The following GHR variants were observed in gnomAD, a reference collection of about 807,000 sequenced individuals.
GHR encodes the protein growth hormone receptor.
A neutral mutation model predicts 67.1 loss-of-function variants in GHR; 35 were observed. The observed-to-expected ratio is 0.52, with a 90% CI of 0.40 to 0.69. The LOEUF is 0.69. GHR is among the 30% of genes least tolerant of loss of function. GHR has a pLI of 0.00. For synonymous variants in GHR, 272 were observed against 269.1 expected, an observed-to-expected ratio of 1.01 and a Z score of -0.10; for missense variants, 792 against 764.6, an observed-to-expected ratio of 1.04 and a Z score of -0.42.
intron 2 of GHR, among the ~76,000 whole-genome samples, chr5:42,628,223 C>G (rs4357043): frequency 0.34 from 52,005 of 151,654 alleles, 10,314 homozygotes; most frequent in African/African-American, 0.55. Flanking sequence ...TATGAGTGCA[C>G]GATAGGGGGT....
chr5:42,484,731 G>A (rs1329006789), intron 1 of GHR, among the ~76,000 whole-genome samples: 4 of 152,190 alleles, frequency 2.6e-5, no homozygotes, highest in Non-Finnish European at 5.9e-5. Context: ...TTTACTTTGA[G>A]AATAAAAAGC....
chr5:42,719,089 T>C lies in GHR; in HGVS notation c.1582T>C (p.Phe528Leu). 1 of 1,613,488 alleles carries C rather than the reference T, an allele frequency of 6.2e-7. No individual in the cohort carries two copies. Among genetic ancestry groups the C allele is most frequent in the Non-Finnish European group, 8.5e-7 (1 of 1,179,436 alleles). The change falls in exon 10 of 10, where the codon TTC becomes CTC. Residue 528 changes from phenylalanine to leucine, a missense_variant. Coordinates refer to ENST00000230882, the MANE Select transcript of GHR (RefSeq NM_000163.5). Reference protein sequence around the residue: ...PEMVSLCQENFLMDNAYFCEA... With the variant: ...PEMVSLCQENLLMDNAYFCEA... ...AATGGTCTCACTCTGCCAAGAAAAC[T>C]TCCTTATGGACAATGCCTACTTCTG...
Position 42,718,982 on chromosome 5 carries a change from A to C in GHR, c.1475A>C (p.Asp492Ala). The C allele has an allele frequency of 6.2e-7, 1 of 1,611,594 alleles. No homozygotes were observed. The highest frequency in any genetic ancestry group is 1.7e-5 in the Admixed American group (1 of 59,912). The change falls in exon 10 of 10, where the codon GAC becomes GCC. Residue 492 changes from aspartate to alanine, a missense_variant. Physicochemically the swap from Asp to Ala is moderately radical, Grantham distance 126. Transcript: ENST00000230882. ...ATCGACTTTTATGCCCAGGTGAGCG[A>C]CATTACACCAGCAGGTAGTGTGGTC... Reference protein sequence around the residue: ...SNIDFYAQVSDITPAGSVVLS... With the variant: ...SNIDFYAQVSAITPAGSVVLS...
At chr5:42,689,234 A>G (rs1425425641) in intron 4 of GHR, among the ~76,000 whole-genome samples, 1 of 152,236 alleles carries the variant, frequency 6.6e-6, no homozygotes, top group African/African-American at 2.4e-5. Flanking sequence ...ATTACAAAAG[A>G]CAAAATCCCT....
intron 1 of GHR, among the ~76,000 whole-genome samples, chr5:42,503,328 C>A (rs990128225): frequency 6.6e-6 from 1 of 152,052 alleles, no homozygotes; most frequent in African/African-American, 2.4e-5. Flanking sequence ...AATAAGCACA[C>A]AATTCACTTA....
rs1437623602 is a variant in GHR at position 42,720,955 on chromosome 5, G to T, written c.*1531G>T. On this transcript the variant is annotated 3_prime_UTR_variant, in exon 10 of 10. Transcript: ENST00000230882. Reference sequence around the variant, plus strand: ...GTTGTTGTTGTTGAGACAGAGTCTCGCTCTGTCGCCAGGCTAGAGTGCGGT... The same window carrying T: ...GTTGTTGTTGTTGAGACAGAGTCTCTCTCTGTCGCCAGGCTAGAGTGCGGT... 1.3e-5 allele frequency: 2 copies of T among 152,072 alleles called. No homozygotes were observed. Among genetic ancestry groups the T allele is most frequent in the Non-Finnish European group, 2.9e-5 (2 of 68,128 alleles). The allele number at this position is 152,072 out of a possible 1,614,324, so 9.4% of individuals were successfully genotyped here.
chr5:42,456,775 T>A (rs1005627416), intron 1 of GHR, among the ~76,000 whole-genome samples: 1 of 152,214 alleles, frequency 6.6e-6, no homozygotes, highest in Admixed American at 6.5e-5. Flanking sequence ...CCTTTATCTG[T>A]AAGCTAGTTG....
At chr5:42,469,566 C>CA (rs1212383423) in intron 1 of GHR, among the ~76,000 whole-genome samples, 1 of 152,138 alleles carries the variant, frequency 6.6e-6, no homozygotes, top group Non-Finnish European at 1.5e-5. Flanking sequence ...CCTCACAAGA[C>CA]CTCTTCCTCT....
At chr5:42,661,410 C>A (rs1220249998) in intron 3 of GHR, among the ~76,000 whole-genome samples, 1 of 152,154 alleles carries the variant, frequency 6.6e-6, no homozygotes, top group African/African-American at 2.4e-5. Flanking sequence ...AATCTCTTGG[C>A]AGAAACTCTA....
intron 3 of GHR, among the ~76,000 whole-genome samples, chr5:42,655,221 T>C (rs1460902879): frequency 1.1e-4 from 16 of 152,184 alleles, no homozygotes; most frequent in Admixed American, 1.0e-3. Context: ...TTCCACATAG[T>C]TGCATTTTCT....
rs184468690 is a variant in GHR, at chr5:42,663,052, T to G, written c.137-25838T>G. On this transcript the variant is annotated intron_variant, in intron 3 of 9. Transcript: ENST00000230882. ...CTCCCAAGACTAAACCAGGAAGAGT[T>G]GAATCTCTGAATAGACCAATAACAG... 1.3e-3 allele frequency among the ~76,000 whole-genome samples: 205 copies of G among 152,318 alleles called. 1 individual carries two copies. The highest frequency in any genetic ancestry group is 3.6e-3 in the Admixed American group (55 of 15,298).
At chr5:42,535,332 G>A (rs1297582562) in intron 1 of GHR, among the ~76,000 whole-genome samples, 3 of 152,014 alleles carry the variant, frequency 2.0e-5, no homozygotes, top group Non-Finnish European at 4.4e-5. Context: ...TAGATTTTTT[G>A]TATGAGGTAA....
At chr5:42,665,401 G>A (rs1259558971) in intron 3 of GHR, among the ~76,000 whole-genome samples, 2 of 152,090 alleles carry the variant, frequency 1.3e-5, no homozygotes, top group South Asian at 2.1e-4. Context: ...TATACACCAC[G>A]GAATACTATG....
At chr5:42,634,099 A>T (rs1161890031) in intron 3 of GHR, among the ~76,000 whole-genome samples, 1 of 151,632 alleles carries the variant, frequency 6.6e-6, no homozygotes, top group Non-Finnish European at 1.5e-5. Context: ...TTCCTGTATG[A>T]TCTTCTCTAA....
intron 3 of GHR, among the ~76,000 whole-genome samples, chr5:42,645,811 G>C (rs1184760957): frequency 3.3e-5 from 5 of 152,162 alleles, no homozygotes; most frequent in African/African-American, 1.2e-4. Flanking sequence ...TCAAGGACTG[G>C]ACTACTCAGT....
At chr5:42,514,505 G>A (rs954928818) in intron 1 of GHR, 1 of 177,254 alleles carries the variant, frequency 5.6e-6, no homozygotes, top group Non-Finnish European at 1.1e-5. Flanking sequence ...AGAGATATTG[G>A]GATACCCTAT....
At chr5:42,676,087 C>A (rs933650981) in intron 3 of GHR, among the ~76,000 whole-genome samples, 1 of 152,086 alleles carries the variant, frequency 6.6e-6, no homozygotes, top group Non-Finnish European at 1.5e-5. Flanking sequence ...GAGATCGAGA[C>A]CCTCCTGGCC....
intron 3 of GHR, among the ~76,000 whole-genome samples, chr5:42,673,795 G>A (rs1756435112): frequency 6.6e-6 from 1 of 152,146 alleles, no homozygotes; most frequent in Admixed American, 6.5e-5. Context: ...GGAGCAGAGA[G>A]AGGACTAAAA....
intron 1 of GHR, chr5:42,467,813 C>G (rs564285926): frequency 1.5e-6 from 2 of 1,376,860 alleles, no homozygotes; most frequent in Non-Finnish European, 2.0e-6. Flanking sequence ...AAAAGACTTT[C>G]GCCCAAGCTG....
Sources: gnomAD v4.1 joint callset for allele counts (sites outside exome capture counted in the v4.1 genomes callset) on GRCh38, gnomAD v4.1.1 for gene constraint, MANE v1.5 for transcripts, NCBI Gene and HGNC (gene_info 2026-07-23, HGNC 2026-07-21) for gene names.